The following PLXNB1 variants were observed in gnomAD, a reference collection of about 807,000 sequenced individuals.
PLXNB1 encodes plexin-B1.
A neutral mutation model predicts 209.4 loss-of-function variants in PLXNB1; 106 were observed. The observed-to-expected ratio is 0.51, with a 90% confidence interval of 0.43 to 0.59. PLXNB1 has a LOEUF of 0.59. Ranked by LOEUF, PLXNB1 falls within the 20% of genes least tolerant of loss-of-function variation. The pLI is 0.00. For missense variants in PLXNB1, 2,357 were observed against 2,853.2 expected (o/e 0.83, Z 3.96); for synonymous variants, 1,167 against 1,183.2 (o/e 0.99, Z 0.28).
rs758630996 is a variant in PLXNB1, at chr3:48,404,404, C to T, written c.*82G>A. On this transcript the variant is annotated 3_prime_UTR_variant, in exon 38 of 38. Coordinates refer to ENST00000296440, the MANE Select transcript of PLXNB1 (RefSeq NM_001130082.3). ...CTCTGCTTGTCAGTCACTACAGGCACCTAAGAAGGTGGCCTCTCCTCCGAG... is the reference window on the plus strand; with the variant it reads ...CTCTGCTTGTCAGTCACTACAGGCATCTAAGAAGGTGGCCTCTCCTCCGAG... The T allele has an allele frequency of 1.7e-5, 14 of 819,554 alleles. No homozygotes were observed. The highest frequency in any genetic ancestry group is 2.6e-5 in the Non-Finnish European group (13 of 498,952). The allele number at this position is 819,554 out of a possible 1,614,324, so 50.8% of individuals were successfully genotyped here.
chr3:48,408,427 C>G (rs180758091), intron 34 of PLXNB1, among the ~76,000 whole-genome samples: 1 of 152,184 alleles, frequency 6.6e-6, no homozygotes, highest in Non-Finnish European at 1.5e-5. Context: ...CAGAGTCACA[C>G]GAGGGCCCTG....
In PLXNB1 at chr3:48,421,278, A is replaced by C; in HGVS notation, c.1760T>G (p.Met587Arg). 6.2e-7 allele frequency: 1 copy of C among 1,612,232 alleles called. No homozygotes were observed. Among genetic ancestry groups the C allele is most frequent in the Non-Finnish European group, 8.5e-7 (1 of 1,179,166 alleles). The stretch of plus-strand genomic sequence containing the variant: ...CTCACTAGGGTCTGGGGAGGGGCAC[A>C]TCACACCAGAACCAGTCAGCAGGGC... ...SPALLTGSGV[M>R]CPSPDPSEAP... The change falls in exon 8 of 38, where the codon ATG becomes AGG. Residue 587 changes from methionine (M) to arginine (R), a missense_variant. Around this residue, in one of 7 missense-constraint regions of PLXNB1, gnomAD observed 214 missense variants for 297.1 expected, o/e 0.72. Coordinates refer to ENST00000296440, the MANE Select transcript of PLXNB1 (RefSeq NM_001130082.3).
At position 48,415,735 on chromosome 3, in the gene PLXNB1, T is replaced by C. The variant is rs2106847241; in HGVS notation, c.3642A>G (p.Gln1214=). Residue 1214 remains glutamine, a synonymous_variant, in exon 19 of 38, where the codon CAA becomes CAG. Coordinates refer to ENST00000296440, the MANE Select transcript of PLXNB1 (RefSeq NM_001130082.3). The surrounding 1 kb of genome is among the most constrained non-coding windows in gnomAD (Gnocchi z 5.0). ...CHLLPEQQSE[Q]LRCETSPRPT... ...GGCGTGGGCTGGTCTCACACCGCAG[T>C]TGTTCTGACTGCTGCTCCGGCAGCC... 1.3e-6 allele frequency: 2 copies of C among 1,546,644 alleles called. No homozygotes were observed. The highest frequency in any genetic ancestry group is 3.4e-4 in the Middle Eastern group (2 of 5,960).
intron 34 of PLXNB1, among the ~76,000 whole-genome samples, chr3:48,408,409 T>C (rs2037444799): frequency 6.6e-6 from 1 of 152,206 alleles, no homozygotes. Context: ...GCCCCACTCA[T>C]GGACCTGCAG....
chr3:48,413,035 T>A lies in PLXNB1; in HGVS notation c.4636+34A>T. The A allele has an allele frequency of 6.2e-7, 1 of 1,609,164 alleles. No homozygotes were observed. The highest frequency in any genetic ancestry group is 8.5e-7 in the Non-Finnish European group (1 of 1,175,610). ...GTGATGGGAGTGGGTTTGGGCAGAG[T>A]TCTGGAGGGCGGGGCCCATTCTCTC... On this transcript the variant is annotated intron_variant, in intron 24 of 37. Transcript: ENST00000296440. This position sits in a 1 kb window ranked among gnomAD's most constrained non-coding sequence, Gnocchi z 5.4.
chr3:48,417,827 C>T lies in PLXNB1; in HGVS notation c.3374+84G>A, dbSNP rs1287771117. On this transcript the variant is annotated intron_variant, in intron 16 of 37. Transcript: ENST00000296440. This position sits in a 1 kb window ranked among gnomAD's most constrained non-coding sequence, Gnocchi z 4.4. ...ACAGGGAGAGAGGGGGGCAGATGAG[C>T]GGTGGGTGGGAGGCCCCAAGCAGCA... 1.6e-5 allele frequency: 22 copies of T among 1,385,634 alleles called. No individual in the cohort carries two copies. The highest frequency in any genetic ancestry group is 1.4e-4 in the East Asian group (6 of 43,436). The allele number at this position is 1,385,634 out of a possible 1,614,324, so 85.8% of individuals were successfully genotyped here. A position where few individuals can be genotyped will look rare whatever the true frequency, so the allele number is the denominator to read the frequency against.
rs2037967407 is a variant in PLXNB1, at chr3:48,414,863, G to A, written c.4145C>T (p.Pro1382Leu). 1.2e-6 allele frequency: 2 copies of A among 1,613,976 alleles called. No individual in the cohort carries two copies. Among genetic ancestry groups the A allele is most frequent in the Admixed American group, 1.7e-5 (1 of 60,012 alleles). Residue 1382 changes from proline to leucine, a missense_variant, in exon 21 of 38, where the codon CCA becomes CTA. Pro to Leu is a moderately conservative substitution (Grantham distance 98). Transcript: ENST00000296440. ...FSYEADPTLQ[P>L]LNPEDPTMPF... ...CATGGTGGGGTCCTCAGGGTTGAGT[G>A]GCTGCAGGGTGGGGTCGGCCTCATA...
chr3:48,421,893 G>C, intron 6 of PLXNB1, 87 bp from the exon 7 acceptor site: 2 of 1,526,870 alleles, frequency 1.3e-6, no homozygotes, highest in Middle Eastern at 1.8e-4. Flanking sequence ...TGGAGGACCT[G>C]GGCAGGGCCC....
chr3:48,413,077 T>G lies in PLXNB1; in HGVS notation c.4628A>C (p.Glu1543Ala), dbSNP rs1257759326. Residue 1543 changes from glutamate (E) to alanine (A), a missense_variant, in exon 24 of 38, where the codon GAA becomes GCA. Transcript: ENST00000296440. The surrounding 1 kb of genome is among the most constrained non-coding windows in gnomAD (Gnocchi z 5.4). Reference protein sequence around the residue: ...ESSVRDRCKKEFTDLMTEMTD... With the variant: ...ESSVRDRCKKAFTDLMTEMTD... ...CATTCTCTCAGCCACACCTGTGAATTCCTTCTTGCAGCGGTCCCGCACACT... is the reference window on the plus strand; with the variant it reads ...CATTCTCTCAGCCACACCTGTGAATGCCTTCTTGCAGCGGTCCCGCACACT... 3 of 1,613,660 alleles carry G rather than the reference T, an allele frequency of 1.9e-6. No individual in the cohort carries two copies. Among genetic ancestry groups the G allele is most frequent in the Non-Finnish European group, 1.7e-6 (2 of 1,179,792 alleles).
intron 10 of PLXNB1, 150 bp from the exon 11 acceptor site, chr3:48,420,407 G>T: frequency 1.6e-6 from 1 of 640,052 alleles, no homozygotes; most frequent in Non-Finnish European, 2.7e-6. Flanking sequence ...GGAGAAAACT[G>T]CGGGGGAAGG....
rs1253745911 is a variant in PLXNB1 at position 48,407,000 on chromosome 3, A to T, written c.6152+27T>A. 6.2e-7 allele frequency: 1 copy of T among 1,612,636 alleles called. No homozygotes were observed. Among genetic ancestry groups the T allele is most frequent in the Admixed American group, 1.7e-5 (1 of 59,984 alleles). On this transcript the variant is annotated intron_variant, in intron 35 of 37. Coordinates refer to ENST00000296440, the MANE Select transcript of PLXNB1 (RefSeq NM_001130082.3). This position sits in a 1 kb window ranked among gnomAD's most constrained non-coding sequence, Gnocchi z 4.4. ...AAGCCTCAGCTGCACACGCCCTCCA[A>T]CCTCTACCCACCGTGCCCTCCAGTA...
At position 48,416,377 on chromosome 3, in the gene PLXNB1, C is replaced by T. The variant is rs781605914; in HGVS notation, c.3449G>A (p.Arg1150His). The change falls in exon 17 of 38, where the codon CGT becomes CAT. Residue 1150 changes from arginine to histidine, a missense_variant. Around this residue, in one of 7 missense-constraint regions of PLXNB1, gnomAD observed 743 missense variants for 896.2 expected, o/e 0.83. Transcript: ENST00000296440. The surrounding 1 kb of genome is among the most constrained non-coding windows in gnomAD (Gnocchi z 4.1). ...ATAVEVPGRG[R>H]GVSEHDFAYQ... ...GGCAAAGTCGTGTTCTGAGACACCA[C>T]GTCCTCTTCCCGGCACCTCCACCGC... 1.2e-5 allele frequency: 20 copies of T among 1,613,024 alleles called. No individual in the cohort carries two copies. The highest frequency in any genetic ancestry group is 5.5e-5 in the South Asian group (5 of 91,040).
Position 48,415,695 on chromosome 3 carries a change from G to C in PLXNB1, c.3682C>G (p.Leu1228Val). ...ETSPRPTPATLPVAVWFGATE... is the reference protein window; with the variant it reads ...ETSPRPTPATVPVAVWFGATE... ...GCCCCAAACCACACAGCCACAGGGAGCGTGGCAGGCGTGGGGCGTGGGCTG... is the reference window on the plus strand; with the variant it reads ...GCCCCAAACCACACAGCCACAGGGACCGTGGCAGGCGTGGGGCGTGGGCTG... Residue 1228 changes from leucine (L) to valine (V), a missense_variant, in exon 19 of 38, where the codon CTC becomes GTC. By Grantham distance (32) the Leu-to-Val change is conservative. This residue lies in a region of PLXNB1 where 743 missense variants were observed against 896.2 expected (regional missense o/e 0.83). Coordinates refer to ENST00000296440, the MANE Select transcript of PLXNB1 (RefSeq NM_001130082.3). The surrounding 1 kb of genome is among the most constrained non-coding windows in gnomAD (Gnocchi z 5.0). The C allele has an allele frequency of 6.4e-7, 1 of 1,555,282 alleles. No homozygotes were observed.
rs764233946 is a variant in PLXNB1, at chr3:48,423,949, G to C, written c.663C>G (p.Ala221=). ...AGTAGGCGCTGGCCCCACGTGCAAAGGCACTCACGAAGTGGTGGCTGTACT... is the reference window on the plus strand; with the variant it reads ...AGTAGGCGCTGGCCCCACGTGCAAACGCACTCACGAAGTGGTGGCTGTACT... ...LSEYSHHFVS[A]FARGASAYFL... The change falls in exon 3 of 38, where the codon GCC becomes GCG. Residue 221 remains alanine, a synonymous_variant. Transcript: ENST00000296440. 1.9e-6 allele frequency: 3 copies of C among 1,614,078 alleles called. No individual in the cohort carries two copies. Among genetic ancestry groups the C allele is most frequent in the Non-Finnish European group, 2.5e-6 (3 of 1,180,000 alleles).
rs2037751636 is a variant in PLXNB1 at position 48,412,426 on chromosome 3, C to T, written c.5033+16G>A. 5 of 1,612,562 alleles carry T rather than the reference C, an allele frequency of 3.1e-6. No homozygotes were observed. The East Asian group carries it at 1.1e-4, about 36-fold the overall frequency. On this transcript the variant is annotated intron_variant, in intron 26 of 37. Transcript: ENST00000296440. ...CAGCTGTCCAGGGCCCACCCAGCCCCAACAGCCACACAGACCTGCGCAGCA... is the reference window on the plus strand; with the variant it reads ...CAGCTGTCCAGGGCCCACCCAGCCCTAACAGCCACACAGACCTGCGCAGCA...
chr3:48,407,474 C>T (rs529500990), intron 34 of PLXNB1, among the ~76,000 whole-genome samples: 3 of 152,302 alleles, frequency 2.0e-5, no homozygotes, highest in African/African-American at 4.8e-5. Flanking sequence ...CGGCCACAGA[C>T]CACCTCTCTC....
rs766312179 is a variant in PLXNB1 at position 48,410,311 on chromosome 3, A to G, written c.5590T>C (p.Tyr1864His). 6.2e-7 allele frequency: 1 copy of G among 1,611,642 alleles called. No homozygotes were observed. The highest frequency in any genetic ancestry group is 1.1e-5 in the South Asian group (1 of 90,728). ...TKHVLRENQDYVPGERTPMLE... is the reference protein window; with the variant it reads ...TKHVLRENQDHVPGERTPMLE... The stretch of plus-strand genomic sequence containing the variant: ...CGGTACTCACGCTCTCCAGGGACAT[A>G]ATCCTGGTTTTCCCGGAGCACATGC... Residue 1864 changes from tyrosine to histidine, a missense_variant, in exon 31 of 38, where the codon TAT becomes CAT. Tyr to His is a moderately conservative substitution (Grantham distance 83). Coordinates refer to ENST00000296440, the MANE Select transcript of PLXNB1 (RefSeq NM_001130082.3). The surrounding 1 kb of genome is among the most constrained non-coding windows in gnomAD (Gnocchi z 6.4).
chr3:48,412,259 G>A lies in PLXNB1; in HGVS notation c.5079C>T (p.Ile1693=), dbSNP rs146326563. Residue 1693 remains isoleucine, a synonymous_variant, in exon 27 of 38, where the codon ATC becomes ATT. Transcript: ENST00000296440. The part of the protein sequence containing the change: ...VEKLLTNWMS[I]CLYTFVRDSV... ...TCACCCTCACGAAGGTATACAGACA[G>A]ATGGACATCCAGTTGGTGAGCAGCT... is the stretch of plus-strand genomic sequence containing the variant. 5.8e-5 allele frequency: 93 copies of A among 1,614,134 alleles called. No homozygotes were observed. In the African/African-American group the frequency reaches 1.1e-3, roughly 19 times the overall value.
intron 34 of PLXNB1, among the ~76,000 whole-genome samples, chr3:48,408,114 C>T (rs887592018): frequency 3.3e-5 from 5 of 152,230 alleles, no homozygotes; most frequent in Admixed American, 1.3e-4. Context: ...AGGCTCAAGC[C>T]ATCCTCCCAC....
Sources: allele counts gnomAD v4.1 joint callset (sites outside exome capture counted in the v4.1 genomes callset), GRCh38; gene constraint gnomAD v4.1.1; regional missense constraint gnomAD v4.1.1; non-coding constraint Gnocchi (gnomAD v3.1); transcripts MANE v1.5; gene names NCBI Gene and HGNC (gene_info 2026-07-23, HGNC 2026-07-21).